Variants in ANK2 observed in about 807,000 individuals in gnomAD.
ANK2 encodes the protein ankyrin-2.
In ANK2, 83 loss-of-function variants were observed where a neutral mutation model predicts 360.5. The ratio of observed to expected loss-of-function variants is 0.23; its 90% CI spans 0.19 to 0.28. ANK2 has a LOEUF of 0.28. Among genes scored for constraint, ANK2 ranks in the 10% least tolerant of loss-of-function variants. The pLI is 1.00. For missense variants in ANK2, 4,201 were observed against 4,795.7 expected, an observed-to-expected ratio of 0.88 and a Z score of 3.66; for synonymous variants, 1,740 against 1,759.5, an observed-to-expected ratio of 0.99 and a Z score of 0.28.
intron 40 of ANK2, 113 bp from the exon 41 acceptor site, chr4:113,364,926 C>A: frequency 7.5e-7 from 1 of 1,339,408 alleles, no homozygotes; most frequent in Non-Finnish European, 1.1e-6. Context: ...TTTAATTAGG[C>A]TTTGATTGTT....
At chr4:113,200,728 T>C (rs902485735) in intron 4 of ANK2, among the ~76,000 whole-genome samples, 28 of 152,298 alleles carry the variant, frequency 1.8e-4, no homozygotes, top group African/African-American at 4.3e-4. Flanking sequence ...CCGTCAACCA[T>C]TGATGAACAC....
chr4:113,276,004 C>T (rs999883711), intron 15 of ANK2, among the ~76,000 whole-genome samples: 16 of 136,090 alleles, frequency 1.2e-4, no homozygotes, highest in Admixed American at 1.7e-4. Flanking sequence ...TACAGTGGTG[C>T]GATCTTGGCT....
At chr4:113,154,457 G>A (rs2097205720) in intron 1 of ANK2, among the ~76,000 whole-genome samples, 1 of 152,114 alleles carries the variant, frequency 6.6e-6, no homozygotes, top group Non-Finnish European at 1.5e-5. Flanking sequence ...TCCTTCCTTG[G>A]AATTGAGGGC....
chr4:112,984,964 A>G (rs912017690), intron 2 of ANK2, among the ~76,000 whole-genome samples: 2 of 152,204 alleles, frequency 1.3e-5, no homozygotes, highest in Non-Finnish European at 2.9e-5. Flanking sequence ...TTTTGTTATA[A>G]AAAAGTTACA....
At chr4:112,728,784 T>G in the ANK2 span, among the ~76,000 whole-genome samples, 1 of 152,102 alleles carries the variant, frequency 6.6e-6, no homozygotes, top group Non-Finnish European at 1.5e-5. Context: ...TACATGTATA[T>G]ACACAGAAAA....
intron 4 of ANK2, among the ~76,000 whole-genome samples, chr4:113,228,922 T>A (rs1290465121): frequency 6.6e-6 from 1 of 152,194 alleles, no homozygotes; most frequent in African/African-American, 2.4e-5. Context: ...CATCCTGGAA[T>A]GCTTGGAGTT....
chr4:113,286,442 C>T (rs1452706808), intron 18 of ANK2, among the ~76,000 whole-genome samples: 1 of 152,194 alleles, frequency 6.6e-6, no homozygotes, highest in Non-Finnish European at 1.5e-5. Flanking sequence ...ATGGTTTTCT[C>T]TCTCTAGGTT....
chr4:113,359,293 G>T lies in ANK2; in HGVS notation c.10675G>T (p.Ala3559Ser), dbSNP rs1564069742. 1 of 1,613,634 alleles carries T rather than the reference G, an allele frequency of 6.2e-7. No homozygotes were observed. Among genetic ancestry groups the T allele is most frequent in the Non-Finnish European group, 8.5e-7 (1 of 1,179,874 alleles). Residue 3559 changes from alanine (A) to serine (S), a missense_variant, in exon 38 of 46, where the codon GCT becomes TCT. Physicochemically the swap from Ala to Ser is moderately conservative, Grantham distance 99. This residue lies in a region of ANK2 where 2,642 missense variants were observed against 2,714.5 expected (regional missense o/e 0.97). Transcript: ENST00000357077. ...RIPDENGHDH[A>S]EDPQDEQERI... is the part of the protein sequence containing the mutation. ...CCCTGATGAAAATGGCCATGACCAT[G>T]CTGAAGGTATTTGCCAGCCACCGGG... is the stretch of plus-strand genomic sequence containing the variant.
intron 2 of ANK2, among the ~76,000 whole-genome samples, chr4:112,999,525 A>G (rs889592667): frequency 3.3e-5 from 5 of 152,236 alleles, no homozygotes; most frequent in Admixed American, 6.5e-5. Flanking sequence ...TGAAGTGTAT[A>G]TATACTTTTG....
intron 2 of ANK2, among the ~76,000 whole-genome samples, chr4:112,982,874 AAG>A (rs1448275160): frequency 6.6e-6 from 1 of 152,214 alleles, no homozygotes; most frequent in African/African-American, 2.4e-5. Flanking sequence ...TCAAGAAAAA[AAG>A]AGAGATGAAA....
At chr4:112,913,782 G>A (rs966877379) in intron 2 of ANK2, among the ~76,000 whole-genome samples, 3 of 152,144 alleles carry the variant, frequency 2.0e-5, no homozygotes, top group African/African-American at 7.2e-5. Context: ...TTATAACATA[G>A]TGCATGGACT....
chr4:113,238,178 G>A (rs2099398625), intron 7 of ANK2, among the ~76,000 whole-genome samples: 2 of 152,104 alleles, frequency 1.3e-5, no homozygotes, highest in East Asian at 3.8e-4. Context: ...ACATTCCAAA[G>A]TAAGTCACAT....
chr4:113,025,651 A>G (rs561257107), intron 2 of ANK2, among the ~76,000 whole-genome samples: 1 of 152,306 alleles, frequency 6.6e-6, no homozygotes, highest in South Asian at 2.1e-4. Flanking sequence ...TTAGCTTTGT[A>G]CATTATGTTT....
intron 1 of ANK2, among the ~76,000 whole-genome samples, chr4:113,107,883 A>G (rs1398800000): frequency 6.6e-6 from 1 of 152,216 alleles, no homozygotes; most frequent in East Asian, 1.9e-4. Flanking sequence ...TAGGATTCAA[A>G]AACCCAAATT....
At chr4:113,156,292 A>G (rs926729818) in intron 1 of ANK2, among the ~76,000 whole-genome samples, 6 of 78,926 alleles carry the variant, frequency 7.6e-5, no homozygotes, top group Admixed American at 7.1e-4. Flanking sequence ...TTTATTTTTA[A>G]AAGTAAAACA....
intron 2 of ANK2, among the ~76,000 whole-genome samples, chr4:112,911,248 C>G (rs1170845144): frequency 1.5e-5 from 2 of 135,648 alleles, no homozygotes; most frequent in Non-Finnish European, 3.0e-5. Flanking sequence ...TGGCTCATGC[C>G]TGTAATCTCA....
In ANK2 at chr4:113,369,819, C is replaced by T. The variant is rs764565279; in HGVS notation, c.11610+14C>T. On this transcript the variant is annotated intron_variant, in intron 43 of 45. Coordinates refer to ENST00000357077, the MANE Select transcript of ANK2 (RefSeq NM_001148.6). The stretch of plus-strand genomic sequence containing the variant: ...GCTTTTGAAAAGGTAAGACATTCCT[C>T]TCCACTTTCTCGCCCACCTGTAACA... 5 of 1,613,850 alleles carry T rather than the reference C, an allele frequency of 3.1e-6. No individual in the cohort carries two copies. The highest frequency in any genetic ancestry group is 4.2e-6 in the Non-Finnish European group (5 of 1,179,976).
At chr4:112,849,515 T>C (rs35199994) in intron 1 of ANK2, among the ~76,000 whole-genome samples, 151 of 152,218 alleles carry the variant, frequency 9.9e-4, no homozygotes, top group Non-Finnish European at 1.8e-3. Context: ...TGGATTTCCA[T>C]TTCTCCTTCT....
intron 2 of ANK2, among the ~76,000 whole-genome samples, chr4:113,190,236 C>T (rs2153352886): frequency 6.6e-6 from 1 of 152,216 alleles, no homozygotes; most frequent in Non-Finnish European, 1.5e-5. Context: ...TCCCAAGTAG[C>T]TGAGATTACA....
Sources: allele counts gnomAD v4.1 joint callset (sites outside exome capture counted in the v4.1 genomes callset), GRCh38; gene constraint gnomAD v4.1.1; regional missense constraint gnomAD v4.1.1; transcripts MANE v1.5; gene names NCBI Gene and HGNC (gene_info 2026-07-23, HGNC 2026-07-21).